The following FAM120A variants were observed in gnomAD, a reference collection of about 807,000 sequenced individuals.
FAM120A encodes the protein family with sequence similarity 120 member A, also known as constitutive coactivator of PPAR-gamma-like protein 1.
A neutral mutation model predicts 109.7 loss-of-function variants in FAM120A; 15 were observed. The ratio of observed to expected loss-of-function variants is 0.14; its 90% confidence interval spans 0.09 to 0.21. The LOEUF (loss-of-function observed/expected upper bound fraction) is 0.21. FAM120A is among the 10% of genes least tolerant of loss of function. The pLI, the probability that FAM120A is intolerant of heterozygous loss-of-function variation, is 1.00. For missense variants in FAM120A, 899 were observed against 1,439.3 expected, an observed-to-expected ratio of 0.62 and a Z score of 6.07; for synonymous variants, 493 against 572.8, an observed-to-expected ratio of 0.86 and a Z score of 1.99.
intron 3 of FAM120A, among the ~76,000 whole-genome samples, chr9:93,477,930 A>G (rs532180182): frequency 1.3e-5 from 2 of 152,238 alleles, no homozygotes; most frequent in Non-Finnish European, 2.9e-5. Context: ...AGAAATGTGT[A>G]TCCGTATATC....
chr9:93,495,381 TG>T (rs1859530528), intron 3 of FAM120A, among the ~76,000 whole-genome samples: 1 of 152,226 alleles, frequency 6.6e-6, no homozygotes, highest in African/African-American at 2.4e-5. Flanking sequence ...CACTGGAACA[TG>T]TCCCTGTTTT....
rs78475566 is a variant in FAM120A, at chr9:93,464,361, G to T, written c.475-6780G>T. 6.6e-3 allele frequency among the ~76,000 whole-genome samples: 1,005 copies of T among 152,298 alleles called. 14 individuals carry two copies. The highest frequency in any genetic ancestry group is 0.023 in the African/African-American group (970 of 41,552). Reference sequence around the variant, plus strand: ...TTTATAGTGGCATAAAGTTATCATTGTAAATCGAAGTACAGAGTACTTTCT... The same window carrying T: ...TTTATAGTGGCATAAAGTTATCATTTTAAATCGAAGTACAGAGTACTTTCT... On this transcript the variant is annotated intron_variant, in intron 1 of 17. Transcript: ENST00000277165.
intron 1 of FAM120A, among the ~76,000 whole-genome samples, chr9:93,457,639 T>G (rs1857608940): frequency 6.6e-6 from 1 of 152,156 alleles, no homozygotes; most frequent in African/African-American, 2.4e-5. Context: ...CTTCAGACTT[T>G]GCAAGAAAGC....
chr9:93,549,599 T>C (rs142919347), intron 11 of FAM120A, among the ~76,000 whole-genome samples: 6 of 152,332 alleles, frequency 3.9e-5, no homozygotes, highest in African/African-American at 1.4e-4. Flanking sequence ...TAACTCAGAT[T>C]TTAAGCACTG....
chr9:93,538,034 G>C (rs889981297), intron 10 of FAM120A, among the ~76,000 whole-genome samples: 1 of 138,974 alleles, frequency 7.2e-6, no homozygotes, highest in African/African-American at 2.5e-5. Flanking sequence ...ATAAGTCCTT[G>C]TACTCTTTTT....
At chr9:93,462,789 A>G (rs1325804687) in intron 1 of FAM120A, among the ~76,000 whole-genome samples, 1 of 152,192 alleles carries the variant, frequency 6.6e-6, no homozygotes, top group East Asian at 1.9e-4. Flanking sequence ...ATCGTATAGT[A>G]TATGTAATTT....
At chr9:93,495,297 G>A (rs1254717763) in intron 3 of FAM120A, among the ~76,000 whole-genome samples, 1 of 152,238 alleles carries the variant, frequency 6.6e-6, no homozygotes, top group Non-Finnish European at 1.5e-5. Flanking sequence ...GTCTAGCTAA[G>A]ATATGTTAGC....
chr9:93,457,679 C>G (rs186123905), intron 1 of FAM120A, among the ~76,000 whole-genome samples: 1 of 152,230 alleles, frequency 6.6e-6, no homozygotes, highest in Admixed American at 6.5e-5. Flanking sequence ...AAAAATTATT[C>G]CATTTTAAAA....
intron 7 of FAM120A, among the ~76,000 whole-genome samples, chr9:93,524,878 C>T (rs1026633467): frequency 6.6e-6 from 1 of 152,172 alleles, no homozygotes; most frequent in African/African-American, 2.4e-5. Context: ...CCTGTCTCAG[C>T]ACGTCTCAGC....
rs180681018 is a variant in FAM120A at position 93,501,699 on chromosome 9, C to T, written c.1030+2813C>T. On this transcript the variant is annotated intron_variant, in intron 5 of 17. Transcript: ENST00000277165. ...TGGGCAGTGTAGAATTTTAAGATGACGGGTATGCAGTCTGGAATGGCAGGA... is the reference window on the plus strand; with the variant it reads ...TGGGCAGTGTAGAATTTTAAGATGATGGGTATGCAGTCTGGAATGGCAGGA... 4.9e-4 allele frequency among the ~76,000 whole-genome samples: 74 copies of T among 152,144 alleles called. 2 individuals are homozygous for T. The highest frequency in any genetic ancestry group is 1.6e-3 in the African/African-American group (65 of 41,490).
At chr9:93,538,668 C>T (rs1861601030) in intron 10 of FAM120A, among the ~76,000 whole-genome samples, 1 of 152,198 alleles carries the variant, frequency 6.6e-6, no homozygotes, top group Non-Finnish European at 1.5e-5. Context: ...CAAGCTGTGG[C>T]ACTGAGCTTA....
At position 93,532,356 on chromosome 9, in the gene FAM120A, G is replaced by A; in HGVS notation, c.1909+27G>A. On this transcript the variant is annotated intron_variant, in intron 10 of 17. Transcript: ENST00000277165. The surrounding 1 kb of genome is among the most constrained non-coding windows in gnomAD (Gnocchi z 4.3). Reference sequence around the variant, plus strand: ...TATGTACTGTAACAATCCATTGTTTGTTTTCCTCGGTACCTCGTAATCTCT... The same window carrying A: ...TATGTACTGTAACAATCCATTGTTTATTTTCCTCGGTACCTCGTAATCTCT... 2 of 1,609,738 alleles carry A rather than the reference G, an allele frequency of 1.2e-6. No individual in the cohort carries two copies. The highest frequency in any genetic ancestry group is 1.7e-6 in the Non-Finnish European group (2 of 1,176,108).
At chr9:93,558,852 T>C in intron 15 of FAM120A, 134 bp downstream of exon 15, 1 of 1,010,676 alleles carries the variant, frequency 9.9e-7, no homozygotes, top group Non-Finnish European at 1.4e-6. Context: ...GGGTCCCCGC[T>C]CTGACCCTCA....
At chr9:93,453,094 GT>G (rs984549446) in intron 1 of FAM120A, 77 of 1,054,006 alleles carry the variant, frequency 7.3e-5, no homozygotes, top group Non-Finnish European at 8.2e-5. Context: ...TCACGTCCGT[GT>G]GAAAGAGGTC....
intron 3 of FAM120A, among the ~76,000 whole-genome samples, chr9:93,478,584 C>G (rs1283149824): frequency 2.0e-5 from 3 of 152,034 alleles, no homozygotes; most frequent in Non-Finnish European, 4.4e-5. Flanking sequence ...TCAAGTGATT[C>G]TCCTGCCTCA....
rs1859681855 is a variant in FAM120A at position 93,498,812 on chromosome 9, T to C, written c.956T>C (p.Ile319Thr). ...HSQSRTDDKV[I>T]RFKRAIGYYS... ...CAGTCTAGAACAGATGACAAAGTTA[T>C]TCGATTTAAGAGAGCAATTGGATAT... The change falls in exon 5 of 18, where the codon ATT becomes ACT. Residue 319 changes from isoleucine (I) to threonine (T), a missense_variant. Transcript: ENST00000277165. This position sits in a 1 kb window ranked among gnomAD's most constrained non-coding sequence, Gnocchi z 4.4. The C allele has an allele frequency of 1.9e-6, 3 of 1,611,934 alleles. No homozygotes were observed. The highest frequency in any genetic ancestry group is 2.5e-6 in the Non-Finnish European group (3 of 1,178,016).
intron 5 of FAM120A, among the ~76,000 whole-genome samples, chr9:93,513,344 G>T (rs1046679526): frequency 5.3e-5 from 8 of 152,190 alleles, no homozygotes; most frequent in African/African-American, 1.9e-4. Context: ...CACGTGTGGG[G>T]TGTGTTTGTG....
chr9:93,544,073 C>T (rs142047073), intron 11 of FAM120A, among the ~76,000 whole-genome samples: 23 of 152,248 alleles, frequency 1.5e-4, no homozygotes, highest in African/African-American at 4.6e-4. Context: ...TGGCACATGC[C>T]GTATTTGTAT....
intron 7 of FAM120A, among the ~76,000 whole-genome samples, chr9:93,525,809 G>A (rs1861055762): frequency 1.3e-5 from 2 of 152,206 alleles, no homozygotes; most frequent in East Asian, 3.8e-4. Context: ...TAAGTTGCAG[G>A]CAGAGATTGT....
Sources: allele counts gnomAD v4.1 joint callset (sites outside exome capture counted in the v4.1 genomes callset), GRCh38; gene constraint gnomAD v4.1.1; non-coding constraint Gnocchi (gnomAD v3.1); transcripts MANE v1.5; gene names NCBI Gene and HGNC (gene_info 2026-07-23, HGNC 2026-07-21).